Variants in R3HCC1 observed in about 807,000 individuals in gnomAD.
R3HCC1 encodes the protein R3H domain and coiled-coil containing 1.
Under a neutral mutation model 40.0 loss-of-function variants are expected in R3HCC1, and 32 were observed. That is an observed-to-expected ratio of 0.80 (90% CI 0.60 to 1.07). The LOEUF (loss-of-function observed/expected upper bound fraction) is 1.07, where lower values mean the gene tolerates loss of function less well. Among genes scored for constraint, R3HCC1 ranks in the 50% least tolerant of loss-of-function variants. The pLI is 0.00. For synonymous variants in R3HCC1, 237 were observed against 232.8 expected (o/e 1.02, Z -0.17); for missense variants, 586 against 563.3 (o/e 1.04, Z -0.41).
intron 4 of R3HCC1, chr8:23,291,060 C>T: frequency 3.7e-6 from 1 of 267,278 alleles, no homozygotes; most frequent in Non-Finnish European, 7.1e-6. Context: ...TTACTTAACT[C>T]TTGGGCCTTC....
Position 23,296,056 on chromosome 8 carries a change from A to G in R3HCC1, c.1282A>G (p.Lys428Glu), listed in dbSNP as rs574653396. The G allele has an allele frequency of 4.0e-5, 62 of 1,550,622 alleles. 1 individual carries two copies. The South Asian group carries it at 7.1e-4, about 18-fold the overall frequency. The change falls in exon 8 of 8, where the codon AAG becomes GAG. Residue 428 changes from lysine to glutamate, a missense_variant. Lys to Glu is a moderately conservative substitution (Grantham distance 56). Coordinates refer to ENST00000265806, the MANE Select transcript of R3HCC1 (RefSeq NM_001136108.3). ...CCGGGCCCTGGGACTCCAACACAAA[A>G]AGAAAGAGCGGCCTGCTGTCCGGGG...
intron 5 of R3HCC1, among the ~76,000 whole-genome samples, chr8:23,291,743 C>T (rs1802871157): frequency 6.6e-6 from 1 of 152,244 alleles, no homozygotes; most frequent in African/African-American, 2.4e-5. Flanking sequence ...GTTGTAGACA[C>T]ACCCTGCAGG....
In R3HCC1 at chr8:23,288,142, G is replaced by A. The variant is rs1277661273; in HGVS notation, c.-34G>A. ...TGGGGACGCCGAGGGCGGCTGCGACGCGCCGAGAGGCCGCGGTGAGTGCAG... is the reference window on the plus strand; with the variant it reads ...TGGGGACGCCGAGGGCGGCTGCGACACGCCGAGAGGCCGCGGTGAGTGCAG... On this transcript the variant is annotated 5_prime_UTR_variant, in exon 1 of 8. Transcript: ENST00000265806. The A allele has an allele frequency of 3.2e-6, 4 of 1,249,394 alleles. No individual in the cohort carries two copies. The highest frequency in any genetic ancestry group is 2.7e-5 in the South Asian group (2 of 74,218). The allele number at this position is 1,249,394 out of a possible 1,614,324, so 77.4% of individuals were successfully genotyped here. A position where few individuals can be genotyped will look rare whatever the true frequency, so the allele number is the denominator to read the frequency against.
chr8:23,295,697 G>A (rs767741669), intron 7 of R3HCC1: 6 of 547,910 alleles, frequency 1.1e-5, no homozygotes, highest in Non-Finnish European at 1.6e-5. Flanking sequence ...GAGGTGTGCA[G>A]GATGAACCCC....
intron 5 of R3HCC1, among the ~76,000 whole-genome samples, chr8:23,292,825 C>T (rs1802897289): frequency 6.6e-6 from 1 of 152,302 alleles, no homozygotes; most frequent in Middle Eastern, 3.4e-3. Flanking sequence ...GGCCACACTG[C>T]CTTAGGCCTC....
intron 6 of R3HCC1, 85 bp downstream of exon 6, chr8:23,293,458 C>G (rs1478386936): frequency 2.2e-5 from 23 of 1,066,130 alleles, no homozygotes; most frequent in Non-Finnish European, 6.9e-6. Context: ...AGGCCACCAT[C>G]TCCTGGGCGC....
chr8:23,294,186 C>T (rs1802937848), intron 6 of R3HCC1, among the ~76,000 whole-genome samples: 1 of 152,100 alleles, frequency 6.6e-6, no homozygotes, highest in African/African-American at 2.4e-5. Flanking sequence ...GGGAGGGAGG[C>T]CAAGAGGCTG....
chr8:23,288,396 G>C, intron 1 of R3HCC1, 110 bp from the exon 2 acceptor site: 1 of 1,425,134 alleles, frequency 7.0e-7, no homozygotes, highest in Non-Finnish European at 9.4e-7. Context: ...CCCCGCCACC[G>C]AGCCTTGGAC....
chr8:23,289,022 T>C lies in R3HCC1; in HGVS notation c.117T>C (p.Leu39=). The change falls in exon 3 of 8, where the codon CTT becomes CTC. Residue 39 remains leucine (L), a synonymous_variant. Coordinates refer to ENST00000265806, the MANE Select transcript of R3HCC1 (RefSeq NM_001136108.3). ...TCTTCCCCTCCCTCCCCAGGGTTCT[T>C]CTTTTCCCCCCACTCTCCAGTCGCC... 6.5e-7 allele frequency: 1 copy of C among 1,536,580 alleles called. No homozygotes were observed. The highest frequency in any genetic ancestry group is 8.7e-7 in the Non-Finnish European group (1 of 1,146,992).
chr8:23,293,274 A>G lies in R3HCC1; in HGVS notation c.1026-29A>G, dbSNP rs1250386548. The G allele has an allele frequency of 3.2e-6, 5 of 1,540,480 alleles. No homozygotes were observed. In the East Asian group the frequency reaches 1.2e-4, roughly 38 times the overall value. Reference sequence around the variant, plus strand: ...AGGAGTTTGACTGCTTGCTTTCCTGAATGTGCTGTCTCCTCTCTCGCCGCA... The same window carrying G: ...AGGAGTTTGACTGCTTGCTTTCCTGGATGTGCTGTCTCCTCTCTCGCCGCA... On this transcript the variant is annotated intron_variant, in intron 5 of 7. Coordinates refer to ENST00000265806, the MANE Select transcript of R3HCC1 (RefSeq NM_001136108.3).
chr8:23,288,969 G>C, intron 2 of R3HCC1, 47 bp from the exon 3 acceptor site: 1 of 1,532,366 alleles, frequency 6.5e-7, no homozygotes, highest in East Asian at 2.4e-5. Flanking sequence ...CCTGGTAGGG[G>C]CCAGGCCCTG....
Position 23,289,135 on chromosome 8 carries a change from TC to T in R3HCC1, c.231del (p.Cys78ValfsTer74). The T allele has an allele frequency of 6.5e-7, 1 of 1,536,256 alleles. No individual in the cohort carries two copies. Among genetic ancestry groups the T allele is most frequent in the East Asian group, 2.4e-5 (1 of 40,914 alleles). Reference sequence around the variant, plus strand: ...GAGGGCTGGAAGAGGAGGACGGTCATCTGTCACCAGGACATCAGGTGTGTAG... The same window carrying T: ...GAGGGCTGGAAGAGGAGGACGGTCATTGTCACCAGGACATCAGGTGTGTAG... On this transcript the variant is annotated frameshift_variant, in exon 3 of 8. Transcript: ENST00000265806. LOFTEE classifies it high-confidence loss of function.
rs1022320716 is a variant in R3HCC1 at position 23,294,838 on chromosome 8, C to G, written c.1166C>G (p.Ser389Ter). 2 of 1,551,242 alleles carry G rather than the reference C, an allele frequency of 1.3e-6. No homozygotes were observed. Among genetic ancestry groups the G allele is most frequent in the East Asian group, 4.9e-5 (2 of 40,922 alleles). Residue 389 changes from serine (S) to a stop codon, truncating the protein, a stop_gained, in exon 7 of 8, where the codon TCA becomes TGA. Coordinates refer to ENST00000265806, the MANE Select transcript of R3HCC1 (RefSeq NM_001136108.3). LOFTEE classifies it high-confidence loss of function. ...CCCCTCACACAGGGAACCAAGCAGT[C>G]AAAGCTCAAAGCCTTGCAGAGGCCA...
rs1430159079 is a variant in R3HCC1 at position 23,288,268 on chromosome 8, A to T, written c.-19+111A>T. On this transcript the variant is annotated intron_variant, in intron 1 of 7. Coordinates refer to ENST00000265806, the MANE Select transcript of R3HCC1 (RefSeq NM_001136108.3). ...CCCCGTGAGCCCCGGGAAGGAGCGCAGCGCAGGGTGTGGAGCCACCCTCAG... is the reference window on the plus strand; with the variant it reads ...CCCCGTGAGCCCCGGGAAGGAGCGCTGCGCAGGGTGTGGAGCCACCCTCAG... The T allele has an allele frequency of 4.3e-6, 5 of 1,151,986 alleles. No homozygotes were observed. The African/African-American group carries it at 7.9e-5, about 18-fold the overall frequency. 71.4% of individuals were successfully genotyped at this position (1,151,986 alleles called of 1,614,324 possible).
At chr8:23,292,162 C>G (rs370825099) in intron 5 of R3HCC1, among the ~76,000 whole-genome samples, 1 of 151,856 alleles carries the variant, frequency 6.6e-6, no homozygotes, top group East Asian at 1.9e-4. Flanking sequence ...GGATCTTGCT[C>G]TTTTGTCCAG....
At position 23,290,019 on chromosome 8, in the gene R3HCC1, C is replaced by G. The variant is rs750253218; in HGVS notation, c.402C>G (p.Asp134Glu). Residue 134 changes from aspartate (D) to glutamate (E), a missense_variant, in exon 4 of 8, where the codon GAC (aspartate) becomes GAG (glutamate). By Grantham distance (45) the Asp-to-Glu change is conservative. Coordinates refer to ENST00000265806, the MANE Select transcript of R3HCC1 (RefSeq NM_001136108.3). ...GGTGGTATCGTGGACGCAAGCCTGA[C>G]CAGCCTTTGTATGTGCCCCGGGTGC... The G allele has an allele frequency of 3.9e-6, 6 of 1,540,180 alleles. No homozygotes were observed. The African/African-American group carries it at 4.1e-5, about 11-fold the overall frequency.
chr8:23,290,185 CAG>C lies in R3HCC1; in HGVS notation c.569_570del (p.Gln190ArgfsTer13). On this transcript the variant is annotated frameshift_variant, in exon 4 of 8. Coordinates refer to ENST00000265806, the MANE Select transcript of R3HCC1 (RefSeq NM_001136108.3). LOFTEE classifies it high-confidence loss of function. ...TCAGGGACTCCCTGTGCTGATGACT[CAG>C]GGAACAGAGGACCTAAAGGGCCCAG... 6.4e-7 allele frequency: 1 copy of C among 1,551,730 alleles called. No homozygotes were observed. Among genetic ancestry groups the C allele is most frequent in the Non-Finnish European group, 8.7e-7 (1 of 1,146,996 alleles).
At chr8:23,292,305 T>C (rs1802885105) in intron 5 of R3HCC1, among the ~76,000 whole-genome samples, 3 of 152,110 alleles carry the variant, frequency 2.0e-5, no homozygotes, top group Admixed American at 6.5e-5. Context: ...GCCTAGGCTT[T>C]TAGAAACCCC....
rs189694680 is a variant in R3HCC1, at chr8:23,290,407, G to T, written c.790G>T (p.Glu264Ter). Residue 264 changes from glutamate to a stop codon, truncating the protein, a stop_gained, in exon 4 of 8, where the codon GAG becomes TAG. Coordinates refer to ENST00000265806, the MANE Select transcript of R3HCC1 (RefSeq NM_001136108.3). LOFTEE classifies it high-confidence loss of function. The stretch of plus-strand genomic sequence containing the variant: ...GGCAGAGGAGGAAGAGGACGAAGAG[G>T]AGGTGGAAGAGGATGGCCCCAGCAG... 5.2e-6 allele frequency: 8 copies of T among 1,551,642 alleles called. No individual in the cohort carries two copies. The highest frequency in any genetic ancestry group is 7.0e-6 in the Non-Finnish European group (8 of 1,147,046).
Sources: allele counts gnomAD v4.1 joint callset (sites outside exome capture counted in the v4.1 genomes callset), GRCh38; gene constraint gnomAD v4.1.1; transcripts MANE v1.5; gene names NCBI Gene and HGNC (gene_info 2026-07-23, HGNC 2026-07-21).